Variants in CMTM5 observed in about 807,000 individuals in gnomAD.
The protein encoded by CMTM5 is CKLF-like MARVEL transmembrane domain-containing protein 5.
Under a neutral mutation model 26.9 loss-of-function variants are expected in CMTM5, and 25 were observed. The observed-to-expected ratio is 0.93, with a 90% CI of 0.68 to 1.30. CMTM5 has a LOEUF of 1.30. Among genes scored for constraint, CMTM5 ranks in the 50% most tolerant of loss-of-function variants. The pLI, the probability that CMTM5 is intolerant of heterozygous loss-of-function variation, is 0.00. For missense variants in CMTM5, 292 were observed against 289.6 expected (o/e 1.01, Z -0.06); for synonymous variants, 98 against 115.5 (o/e 0.85, Z 0.97).
rs192189914 is a variant in CMTM5 at position 23,379,397 on chromosome 14, C to T, written c.658+14C>T. The stretch of plus-strand genomic sequence containing the variant: ...GGGCCAGCCAGGGTGAGTGCCTGTG[C>T]TCTGTGGAGAGGAGATGCCCTCCCC... On this transcript the variant is annotated intron_variant, in intron 5 of 5. Transcript: ENST00000339180. 4.1e-4 allele frequency: 667 copies of T among 1,614,136 alleles called. 3 individuals carry two copies. In the African/African-American group the frequency reaches 7.5e-3, roughly 18 times the overall value.
chr14:23,378,569 T>C lies in CMTM5; in HGVS notation c.279+68T>C. On this transcript the variant is annotated intron_variant, in intron 2 of 5. Coordinates refer to ENST00000339180, the MANE Select transcript of CMTM5 (RefSeq NM_001288746.2). This position sits in a 1 kb window ranked among gnomAD's most constrained non-coding sequence, Gnocchi z 4.2. The stretch of plus-strand genomic sequence containing the variant: ...CTCCTCTAAATGATGCATTTTCCTT[T>C]CCTCCCCGAGCTTCTTTCCATTTCC... 6.2e-7 allele frequency: 1 copy of C among 1,609,450 alleles called. No homozygotes were observed. The highest frequency in any genetic ancestry group is 8.5e-7 in the Non-Finnish European group (1 of 1,176,344).
In CMTM5 at chr14:23,377,985, A is replaced by G. The variant is rs74037001; in HGVS notation, c.127-364A>G. On this transcript the variant is annotated intron_variant, in intron 1 of 5. Transcript: ENST00000339180. The surrounding 1 kb of genome is among the most constrained non-coding windows in gnomAD (Gnocchi z 4.6). The stretch of plus-strand genomic sequence containing the variant: ...ATCTGGGGGTGGGGAAAGCATTATG[A>G]GGCAGGGGGCTCCTCTTGGTCCCTG... The G allele has an allele frequency of 0.14, 33,556 of 234,788 alleles. 3,101 individuals are homozygous for G. Among genetic ancestry groups the G allele is most frequent in the African/African-American group, 0.28 (12,376 of 43,498 alleles). 14.5% of individuals were successfully genotyped at this position (234,788 alleles called of 1,614,324 possible). A position where few individuals can be genotyped will look rare whatever the true frequency, so the allele number is the denominator to read the frequency against.
Position 23,379,755 on chromosome 14 carries a change from T to A in CMTM5, c.*268T>A. The A allele has an allele frequency of 2.5e-6, 2 of 796,284 alleles. No individual in the cohort carries two copies. Among genetic ancestry groups the A allele is most frequent in the Non-Finnish European group, 3.8e-6 (2 of 520,784 alleles). The allele number at this position is 796,284 out of a possible 1,614,324, so 49.3% of individuals were successfully genotyped here. ...CTGGACCTCTAAGTCATTCCCAAAT[T>A]AAAATATTCAAATTCTACTGGTGAG... On this transcript the variant is annotated 3_prime_UTR_variant, in exon 6 of 6. Coordinates refer to ENST00000339180, the MANE Select transcript of CMTM5 (RefSeq NM_001288746.2).
intron 5 of CMTM5, 44 bp from the exon 6 acceptor site, chr14:23,379,430 C>T (rs780804730): frequency 1.9e-5 from 31 of 1,614,158 alleles, no homozygotes; most frequent in Non-Finnish European, 2.5e-5. Context: ...CCCACCCTAG[C>T]TACCCATCCT....
chr14:23,379,026 C>T lies in CMTM5; in HGVS notation c.481-5C>T. The T allele has an allele frequency of 1.2e-6, 2 of 1,614,112 alleles. No homozygotes were observed. The highest frequency in any genetic ancestry group is 2.7e-5 in the African/African-American group (2 of 75,028). On this transcript the variant is annotated splice_polypyrimidine_tract_variant and splice_region_variant and intron_variant, in intron 3 of 5. Coordinates refer to ENST00000339180, the MANE Select transcript of CMTM5 (RefSeq NM_001288746.2). Reference sequence around the variant, plus strand: ...TCCTGTTAACCCTGCACCCCTGGCCCCCAGGACTTCCTGCGCTGTGTCAGT... The same window carrying T: ...TCCTGTTAACCCTGCACCCCTGGCCTCCAGGACTTCCTGCGCTGTGTCAGT...
At position 23,379,104 on chromosome 14, in the gene CMTM5, G is replaced by A; in HGVS notation, c.554G>A (p.Gly185Glu). 6.2e-7 allele frequency: 1 copy of A among 1,613,926 alleles called. No homozygotes were observed. The highest frequency in any genetic ancestry group is 8.5e-7 in the Non-Finnish European group (1 of 1,179,918). ...TTTGCAGCTGTGACCTCCCGGGACG[G>A]AGCTGCCATTGCTGCTTTTGTGAGT... ...VSFAAVTSRD[G>E]AAIAAFVFGI... Residue 185 changes from glycine (G) to glutamate (E), a missense_variant, in exon 4 of 6, where the codon GGA (glycine) becomes GAA (glutamate). By Grantham distance (98) the Gly-to-Glu change is moderately conservative. Transcript: ENST00000339180.
In CMTM5 at chr14:23,378,808, C is replaced by T. The variant is rs1304914529; in HGVS notation, c.419C>T (p.Pro140Leu). ...GCCGCTGTCCCCTGGGTTCCAGCCC[C>T]AGCGCCTGGCTTCTGGTCCTGGTTG... ...TPAAVPWVPA[P>L]APGFWSWLLW... The change falls in exon 3 of 6, where the codon CCA (proline) becomes CTA (leucine). Residue 140 changes from proline to leucine, a missense_variant. Transcript: ENST00000339180. The surrounding 1 kb of genome is among the most constrained non-coding windows in gnomAD (Gnocchi z 4.2). 1.2e-6 allele frequency: 2 copies of T among 1,612,744 alleles called. No individual in the cohort carries two copies. Among genetic ancestry groups the T allele is most frequent in the Non-Finnish European group, 1.7e-6 (2 of 1,179,832 alleles).
chr14:23,378,460 C>G lies in CMTM5; in HGVS notation c.238C>G (p.Gln80Glu), dbSNP rs1290027100. ...TLAFLFLYAT[Q>E]YYQRFDRINW... ...TGCCTTCCTCTTCCTCTATGCCACC[C>G]AGTACTACCAGCGCTTCGACCGAAT... Residue 80 changes from glutamine to glutamate, a missense_variant, in exon 2 of 6, where the codon CAG (glutamine) becomes GAG (glutamate). Coordinates refer to ENST00000339180, the MANE Select transcript of CMTM5 (RefSeq NM_001288746.2). The surrounding 1 kb of genome is among the most constrained non-coding windows in gnomAD (Gnocchi z 4.2). 7 of 1,614,062 alleles carry G rather than the reference C, an allele frequency of 4.3e-6. No individual in the cohort carries two copies. In the African/African-American group the frequency reaches 9.3e-5, roughly 22 times the overall value.
Position 23,379,614 on chromosome 14 carries a change from C to T in CMTM5, c.*127C>T. The T allele has an allele frequency of 6.6e-7, 1 of 1,518,856 alleles. No individual in the cohort carries two copies. The highest frequency in any genetic ancestry group is 8.8e-7 in the Non-Finnish European group (1 of 1,136,648). 94.1% of individuals were successfully genotyped at this position (1,518,856 alleles called of 1,614,324 possible). Reference sequence around the variant, plus strand: ...CCCCAGCCCTACACAGCAGTCTGGCCTGAGACGTCACTGGGGACTTATCTG... The same window carrying T: ...CCCCAGCCCTACACAGCAGTCTGGCTTGAGACGTCACTGGGGACTTATCTG... On this transcript the variant is annotated 3_prime_UTR_variant, in exon 6 of 6. Transcript: ENST00000339180.
Position 23,378,760 on chromosome 14 carries a change from C to A in CMTM5, c.371C>A (p.Thr124Asn), listed in dbSNP as rs766217019. ...CAGCCCCAGCCCTGGCCTGGCTTGA[C>A]CCCCCCGGGCTGGCATACTCCAGCC... Reference protein sequence around the residue: ...KVQPQPWPGLTPPGWHTPAAV... With the variant: ...KVQPQPWPGLNPPGWHTPAAV... The change falls in exon 3 of 6, where the codon ACC (threonine) becomes AAC (asparagine). Residue 124 changes from threonine (T) to asparagine (N), a missense_variant. Coordinates refer to ENST00000339180, the MANE Select transcript of CMTM5 (RefSeq NM_001288746.2). This position sits in a 1 kb window ranked among gnomAD's most constrained non-coding sequence, Gnocchi z 4.2. The A allele has an allele frequency of 5.6e-6, 9 of 1,611,350 alleles. No homozygotes were observed. The highest frequency in any genetic ancestry group is 2.7e-5 in the African/African-American group (2 of 74,562).
upstream of CMTM5, chr14:23,376,912 G>A (rs1309368790): frequency 9.8e-5 from 27 of 276,600 alleles, no homozygotes; most frequent in South Asian, 6.2e-5. Flanking sequence ...GTTTCTTTTC[G>A]GACCTCCTCC....
At position 23,378,759 on chromosome 14, in the gene CMTM5, A is replaced by T; in HGVS notation, c.370A>T (p.Thr124Ser). 6.2e-7 allele frequency: 1 copy of T among 1,609,360 alleles called. No homozygotes were observed. Among genetic ancestry groups the T allele is most frequent in the Non-Finnish European group, 8.5e-7 (1 of 1,179,054 alleles). Residue 124 changes from threonine to serine, a missense_variant, in exon 3 of 6, where the codon ACC (threonine) becomes TCC (serine). By Grantham distance (58) the Thr-to-Ser change is moderately conservative. Transcript: ENST00000339180. This position sits in a 1 kb window ranked among gnomAD's most constrained non-coding sequence, Gnocchi z 4.2. ...KVQPQPWPGL[T>S]PPGWHTPAAV... ...CCAGCCCCAGCCCTGGCCTGGCTTG[A>T]CCCCCCCGGGCTGGCATACTCCAGC...
At position 23,379,552 on chromosome 14, in the gene CMTM5, C is replaced by T; in HGVS notation, c.*65C>T. 2 of 1,607,726 alleles carry T rather than the reference C, an allele frequency of 1.2e-6. No homozygotes were observed. The highest frequency in any genetic ancestry group is 1.3e-5 in the African/African-American group (1 of 74,918). On this transcript the variant is annotated 3_prime_UTR_variant, in exon 6 of 6. Transcript: ENST00000339180. ...AGGACAGTGGAGCCCAGACACGTCT[C>T]CTTGGGATTCACTAGCCCCCAGCCC...
chr14:23,378,343 C>T lies in CMTM5; in HGVS notation c.127-6C>T, dbSNP rs769680141. ...CTTGGCATGTTCCACATGCTCGGTC[C>T]TGCAGGCCCTGACCCTCATCATCTT... is the stretch of plus-strand genomic sequence containing the variant. On this transcript the variant is annotated splice_region_variant and splice_polypyrimidine_tract_variant and intron_variant, in intron 1 of 5. Transcript: ENST00000339180. This position sits in a 1 kb window ranked among gnomAD's most constrained non-coding sequence, Gnocchi z 4.2. The T allele has an allele frequency of 4.3e-6, 7 of 1,613,796 alleles. No individual in the cohort carries two copies. The highest frequency in any genetic ancestry group is 5.9e-6 in the Non-Finnish European group (7 of 1,179,920).
chr14:23,379,466 C>A lies in CMTM5; in HGVS notation c.659-8C>A. The A allele has an allele frequency of 6.2e-7, 1 of 1,614,056 alleles. No homozygotes were observed. The highest frequency in any genetic ancestry group is 8.5e-7 in the Non-Finnish European group (1 of 1,180,036). On this transcript the variant is annotated splice_polypyrimidine_tract_variant and splice_region_variant and intron_variant, in intron 5 of 5. Coordinates refer to ENST00000339180, the MANE Select transcript of CMTM5 (RefSeq NM_001288746.2). ...GATGTGGGTCCCTACCTGGCTCTAT[C>A]CTCACAGGGGACCAGCAGTGACTCT...
At position 23,377,153 on chromosome 14, in the gene CMTM5, G is replaced by A. The variant is rs1299969099; in HGVS notation, c.-99G>A. 3.3e-6 allele frequency: 5 copies of A among 1,503,986 alleles called. No homozygotes were observed. The East Asian group carries it at 1.2e-4, about 35-fold the overall frequency. The allele number at this position is 1,503,986 out of a possible 1,614,324, so 93.2% of individuals were successfully genotyped here. A position where few individuals can be genotyped will look rare whatever the true frequency, so the allele number is the denominator to read the frequency against. ...CTGCTTCACTTTCAGGTTTCTCGAA[G>A]TGCCTTCTTGCTCCTGTCTGTTTCC... On this transcript the variant is annotated 5_prime_UTR_variant, in exon 1 of 6. It adds an upstream start codon to the 5' untranslated region. Transcript: ENST00000339180. The surrounding 1 kb of genome is among the most constrained non-coding windows in gnomAD (Gnocchi z 4.6).
At position 23,378,853 on chromosome 14, in the gene CMTM5, A is replaced by G; in HGVS notation, c.464A>G (p.His155Arg). Residue 155 changes from histidine (H) to arginine (R), a missense_variant, in exon 3 of 6, where the codon CAC becomes CGC. By Grantham distance (29) the His-to-Arg change is conservative (BLOSUM62 0). Coordinates refer to ENST00000339180, the MANE Select transcript of CMTM5 (RefSeq NM_001288746.2). This position sits in a 1 kb window ranked among gnomAD's most constrained non-coding sequence, Gnocchi z 4.2. The stretch of plus-strand genomic sequence containing the variant: ...TGGTTGCTCTGGTTCATCTGCTTCC[A>G]CTCCCTGGGTAGCAGTGTGAGCGCT... ...WSWLLWFICF[H>R]SLGSSDFLRC... 6.2e-7 allele frequency: 1 copy of G among 1,612,446 alleles called. No homozygotes were observed. The highest frequency in any genetic ancestry group is 8.5e-7 in the Non-Finnish European group (1 of 1,179,642).
rs1273865965 is a variant in CMTM5, at chr14:23,378,623, A to G, written c.280-46A>G. 6.2e-7 allele frequency: 1 copy of G among 1,611,004 alleles called. No individual in the cohort carries two copies. The highest frequency in any genetic ancestry group is 8.5e-7 in the Non-Finnish European group (1 of 1,177,574). ...CCACAGCTGGGCTTTGTCCCATGCT[A>G]TGCCCTGCACTCAAAGGTGTGCTTT... is the stretch of plus-strand genomic sequence containing the variant. On this transcript the variant is annotated intron_variant, in intron 2 of 5. Transcript: ENST00000339180. This position sits in a 1 kb window ranked among gnomAD's most constrained non-coding sequence, Gnocchi z 4.2.
chr14:23,377,726 C>A lies in CMTM5; in HGVS notation c.126+349C>A, dbSNP rs1012256763. ...CAAGAAGTCTAACTATCAAAAAGGGCAGACTTCCTGCAACTGCACTTTATC... is the reference window on the plus strand; with the variant it reads ...CAAGAAGTCTAACTATCAAAAAGGGAAGACTTCCTGCAACTGCACTTTATC... On this transcript the variant is annotated intron_variant, in intron 1 of 5. Transcript: ENST00000339180. This position sits in a 1 kb window ranked among gnomAD's most constrained non-coding sequence, Gnocchi z 4.6. The A allele has an allele frequency of 1.1e-4, 26 of 240,374 alleles. No homozygotes were observed. Among genetic ancestry groups the A allele is most frequent in the Admixed American group, 7.3e-4 (14 of 19,274 alleles). 14.9% of individuals were successfully genotyped at this position (240,374 alleles called of 1,614,324 possible).
Sources: allele counts gnomAD v4.1 joint callset, GRCh38; gene constraint gnomAD v4.1.1; non-coding constraint Gnocchi (gnomAD v3.1); transcripts MANE v1.5; gene names NCBI Gene and HGNC (gene_info 2026-07-23, HGNC 2026-07-21).